The following CAPZB variants were observed in gnomAD, a reference collection of about 807,000 sequenced individuals.
CAPZB encodes capping actin protein of muscle Z-line subunit beta, also known as F-actin-capping protein subunit beta.
In CAPZB, 2 loss-of-function variants were observed where a neutral mutation model predicts 38.1. The ratio of observed to expected loss-of-function variants is 0.05; its 90% confidence interval spans 0.02 to 0.17. The LOEUF (loss-of-function observed/expected upper bound fraction) is 0.17, where lower values mean the gene tolerates loss of function less well. Ranked by LOEUF, CAPZB falls within the 10% of genes least tolerant of loss-of-function variation. The pLI is 1.00. For missense variants in CAPZB, 161 were observed against 334.2 expected (o/e 0.48, Z 4.04); for synonymous variants, 107 against 127.4 (o/e 0.84, Z 1.08).
chr1:19,437,441 A>T (rs1558260967), intron 1 of CAPZB, among the ~76,000 whole-genome samples: 1 of 152,154 alleles, frequency 6.6e-6, no homozygotes, highest in African/African-American at 2.4e-5. Context: ...TTCCCAAATA[A>T]GTGTTTGGGT....
At chr1:19,434,725 T>C (rs2094452626) in intron 1 of CAPZB, among the ~76,000 whole-genome samples, 1 of 151,240 alleles carries the variant, frequency 6.6e-6, no homozygotes. Context: ...AGCCTAGGAG[T>C]TCAAACCAGC....
intron 1 of CAPZB, among the ~76,000 whole-genome samples, chr1:19,430,431 C>G (rs1242666870): frequency 6.6e-6 from 1 of 152,204 alleles, no homozygotes; most frequent in Non-Finnish European, 1.5e-5. Context: ...TCCAAAACCT[C>G]TAATTGCTGA....
chr1:19,434,560 T>TC (rs2094452074), intron 1 of CAPZB, among the ~76,000 whole-genome samples: 1 of 151,016 alleles, frequency 6.6e-6, no homozygotes, highest in South Asian at 2.1e-4. Flanking sequence ...CTTTTTTTTT[T>TC]TTAAGGGTTA....
At chr1:19,476,261 A>C (rs1426385364) in intron 1 of CAPZB, among the ~76,000 whole-genome samples, 1 of 152,136 alleles carries the variant, frequency 6.6e-6, no homozygotes, top group Non-Finnish European at 1.5e-5. Flanking sequence ...CATGCCTGTT[A>C]TCCCAGCTGG....
intron 1 of CAPZB, among the ~76,000 whole-genome samples, chr1:19,425,622 T>A (rs1187770789): frequency 6.6e-6 from 1 of 152,156 alleles, no homozygotes; most frequent in Non-Finnish European, 1.5e-5. Flanking sequence ...TTCACATGAT[T>A]TAAAGAAAAA....
At chr1:19,384,750 A>G (rs145521565) in intron 3 of CAPZB, among the ~76,000 whole-genome samples, 1 of 152,148 alleles carries the variant, frequency 6.6e-6, no homozygotes, top group East Asian at 1.9e-4. Context: ...GCAATTCATC[A>G]TGGAAACACT....
At chr1:19,464,202 AAAGAG>A (rs1487922275) in intron 1 of CAPZB, among the ~76,000 whole-genome samples, 1 of 151,892 alleles carries the variant, frequency 6.6e-6, no homozygotes, top group Non-Finnish European at 1.5e-5. Context: ...GGAAGAAAGA[AAAGAG>A]AAAAGAAAGA....
chr1:19,424,377 C>A (rs12034426), intron 1 of CAPZB: 47,264 of 151,894 alleles, frequency 0.31, 7,524 homozygotes, highest in Middle Eastern at 0.4. Context: ...GAAAAAACTA[C>A]AAGTATGCAG....
At position 19,378,303 on chromosome 1, in the gene CAPZB, C is replaced by G. The variant is rs533161935; in HGVS notation, c.329+237G>C. Among the ~76,000 whole-genome samples the G allele has an allele frequency of 6.6e-5, 10 of 152,292 alleles. No individual in the cohort carries two copies. In the East Asian group the frequency reaches 1.9e-3, roughly 29 times the overall value. On this transcript the variant is annotated intron_variant, in intron 4 of 8. Coordinates refer to ENST00000264202, the MANE Select transcript of CAPZB (RefSeq NM_004930.5). The stretch of plus-strand genomic sequence containing the variant: ...AGTGAAGTCTGGTAGCATTCTATGA[C>G]CGAGTCATCTCATAACCAACCCAAC...
chr1:19,397,107 C>T (rs1041545380), intron 2 of CAPZB, among the ~76,000 whole-genome samples: 7 of 152,102 alleles, frequency 4.6e-5, no homozygotes, highest in Admixed American at 1.3e-4. Flanking sequence ...GATCTCTGTC[C>T]TCTCGTTTAA....
At chr1:19,364,945 C>T (rs576422737) in intron 4 of CAPZB, among the ~76,000 whole-genome samples, 1 of 151,924 alleles carries the variant, frequency 6.6e-6, no homozygotes, top group South Asian at 2.1e-4. Flanking sequence ...ATTCTGGGCT[C>T]AAGTGATCCT....
intron 1 of CAPZB, among the ~76,000 whole-genome samples, chr1:19,422,706 G>A (rs563941662): frequency 2.0e-5 from 3 of 149,508 alleles, no homozygotes; most frequent in Non-Finnish European, 3.0e-5. Flanking sequence ...CAGCCTGGGC[G>A]ACAGAGCGAG....
At chr1:19,469,741 T>TACACACACACACACACACACACACAC (rs60330360) in intron 1 of CAPZB, among the ~76,000 whole-genome samples, 1 of 136,620 alleles carries the variant, frequency 7.3e-6, no homozygotes, top group Non-Finnish European at 1.6e-5. Flanking sequence ...AGGAAAAGAA[T>TACACACACACACACACACACACACAC]ACACACACAC....
chr1:19,452,103 C>A (rs150995235), intron 1 of CAPZB, among the ~76,000 whole-genome samples: 1,773 of 152,188 alleles, frequency 0.012, 35 homozygotes, highest in African/African-American at 0.04. Flanking sequence ...CTGGCCAGTC[C>A]TCACTGCCCA....
intron 1 of CAPZB, among the ~76,000 whole-genome samples, chr1:19,482,713 A>G (rs1263317324): frequency 6.6e-6 from 1 of 152,242 alleles, no homozygotes; most frequent in African/African-American, 2.4e-5. Context: ...TTCTCAAGTC[A>G]CTATTTCCCT....
At chr1:19,389,714 C>T (rs71645447) in intron 2 of CAPZB, among the ~76,000 whole-genome samples, 16,911 of 152,240 alleles carry the variant, frequency 0.11, 1,091 homozygotes, top group East Asian at 0.23. Context: ...GTGTGAGCCA[C>T]TGCGCCTGGC....
intron 1 of CAPZB, chr1:19,449,120 A>G: frequency 7.1e-7 from 1 of 1,412,562 alleles, no homozygotes; most frequent in Non-Finnish European, 9.2e-7. Context: ...TTCCATTGCC[A>G]CAAAAACTCC....
At chr1:19,377,456 T>TA in intron 4 of CAPZB, among the ~76,000 whole-genome samples, 1 of 152,336 alleles carries the variant, frequency 6.6e-6, no homozygotes, top group East Asian at 1.9e-4. Context: ...AGGTTCTTGT[T>TA]AAGGAGTAAA....
At chr1:19,358,738 TC>T (rs1310431211) in intron 4 of CAPZB, among the ~76,000 whole-genome samples, 4 of 152,218 alleles carry the variant, frequency 2.6e-5, no homozygotes, top group African/African-American at 9.7e-5. Context: ...AAATCTCATC[TC>T]TCGTGGTGAG....
Sources: allele counts gnomAD v4.1 joint callset (sites outside exome capture counted in the v4.1 genomes callset), GRCh38; gene constraint gnomAD v4.1.1; transcripts MANE v1.5; gene names NCBI Gene and HGNC (gene_info 2026-07-23, HGNC 2026-07-21).